PARP15: variants seen among roughly 807,000 people sequenced by gnomAD.
The protein encoded by PARP15 is protein mono-ADP-ribosyltransferase PARP15.
A neutral mutation model predicts 62.1 loss-of-function variants in PARP15; 50 were observed. That is an observed-to-expected ratio of 0.81 (90% CI 0.64 to 1.02). The LOEUF (loss-of-function observed/expected upper bound fraction) is 1.02, where lower values mean the gene tolerates loss of function less well. PARP15 is among the 50% of genes least tolerant of loss of function. PARP15 has a pLI of 0.00. For synonymous variants in PARP15, 309 were observed against 293.1 expected, an observed-to-expected ratio of 1.05 and a Z score of -0.55; for missense variants, 820 against 826.5, an observed-to-expected ratio of 0.99 and a Z score of 0.10.
At chr3:122,615,673 G>C (rs1935911628) in intron 4 of PARP15, 106 bp from the exon 5 acceptor site, 6 of 1,581,648 alleles carry the variant, frequency 3.8e-6, no homozygotes, top group Non-Finnish European at 5.2e-6. Context: ...AATATTTTGA[G>C]AACTATTGTT....
At position 122,577,660 on chromosome 3, in the gene PARP15, A is replaced by G; in HGVS notation, c.-8A>G. ...GTGGGGCGCAACTGCAGTCCCAGCG[A>G]GCTGAGGATGGCTGCGCCAGGCCCC... On this transcript the variant is annotated 5_prime_UTR_variant, in exon 1 of 12. Coordinates refer to ENST00000464300, the MANE Select transcript of PARP15 (RefSeq NM_001113523.3). 1 of 1,551,604 alleles carries G rather than the reference A, an allele frequency of 6.4e-7. No individual in the cohort carries two copies. Among genetic ancestry groups the G allele is most frequent in the Non-Finnish European group, 8.7e-7 (1 of 1,146,964 alleles).
chr3:122,613,424 C>A (rs1031406808), intron 4 of PARP15, among the ~76,000 whole-genome samples, 156 bp downstream of exon 4: 1 of 152,164 alleles, frequency 6.6e-6, no homozygotes, highest in Non-Finnish European at 1.5e-5. Context: ...TATGAGCCAA[C>A]ACTGATAACT....
chr3:122,626,289 C>T (rs1480763846), intron 8 of PARP15, among the ~76,000 whole-genome samples: 1 of 151,120 alleles, frequency 6.6e-6, no homozygotes, highest in Non-Finnish European at 1.5e-5. Flanking sequence ...AGCTCCGCCT[C>T]CCAGGTTCAC....
intron 6 of PARP15, among the ~76,000 whole-genome samples, chr3:122,618,267 A>G (rs1559974494): frequency 6.6e-6 from 1 of 152,208 alleles, no homozygotes; most frequent in Admixed American, 6.5e-5. Context: ...CTATGCATTT[A>G]TCCCTGTCCC....
chr3:122,577,728 G>T lies in PARP15; in HGVS notation c.61G>T (p.Glu21Ter). The T allele has an allele frequency of 3.9e-6, 6 of 1,551,728 alleles. No individual in the cohort carries two copies. In the South Asian group the frequency reaches 7.1e-5, roughly 18 times the overall value. The change falls in exon 1 of 12, where the codon GAA becomes TAA. Residue 21 changes from glutamate to a stop codon, truncating the protein, a stop_gained. Transcript: ENST00000464300. LOFTEE classifies it high-confidence loss of function. ...ALSPGAPTPRELMHGVAGVTS... is the reference protein window; with the variant it reads ...ALSPGAPTPR The stretch of plus-strand genomic sequence containing the variant: ...GAGTCCAGGGGCTCCGACCCCCAGA[G>T]AACTTATGCACGGAGTTGCAGGTGT...
chr3:122,633,489 ATGGT>A (rs1937175730), intron 10 of PARP15, among the ~76,000 whole-genome samples: 1 of 151,786 alleles, frequency 6.6e-6, no homozygotes, highest in Non-Finnish European at 1.5e-5. Flanking sequence ...GAGGCCTATG[ATGGT>A]TGAGTGTACT....
chr3:122,619,658 G>A (rs967954034), intron 6 of PARP15, 123 bp from the exon 7 acceptor site: 3 of 793,052 alleles, frequency 3.8e-6, no homozygotes, highest in Admixed American at 1.9e-5. Flanking sequence ...AGTTGGTCGG[G>A]CGTGGGGGTG....
intron 1 of PARP15, among the ~76,000 whole-genome samples, chr3:122,591,781 A>AAAAAAG (rs55953236): frequency 1.3e-5 from 2 of 149,672 alleles, no homozygotes; most frequent in Admixed American, 6.7e-5. Flanking sequence ...AAAAAAAAAA[A>AAAAAAG]GGTATTGATA....
At chr3:122,624,292 CCTTA>C (rs1936547729) in intron 8 of PARP15, among the ~76,000 whole-genome samples, 1 of 152,104 alleles carries the variant, frequency 6.6e-6, no homozygotes, top group African/African-American at 2.4e-5. Context: ...TTTATTGAGT[CCTTA>C]CTGTACGTTC....
Position 122,632,169 on chromosome 3 carries a change from AC to A in PARP15, c.1524del (p.Ile509Ter), listed in dbSNP as rs751447612. ...QLEPGQSEYN[T>X]IKDKFTRTCS... Reference sequence around the variant, plus strand: ...AGAGCCAGGACAATCAGAATATAATACCATAAAGGACAAGTTCACCCGAACT... The same window carrying A: ...AGAGCCAGGACAATCAGAATATAATACATAAAGGACAAGTTCACCCGAACT... On this transcript the variant is annotated frameshift_variant, in exon 10 of 12. Transcript: ENST00000464300. LOFTEE classifies it high-confidence loss of function. 1 of 1,613,892 alleles carries A rather than the reference AC, an allele frequency of 6.2e-7. No individual in the cohort carries two copies. Among genetic ancestry groups the A allele is most frequent in the East Asian group, 2.2e-5 (1 of 44,872 alleles).
At position 122,577,716 on chromosome 3, in the gene PARP15, C is replaced by T; in HGVS notation, c.49C>T (p.Pro17Ser). The T allele has an allele frequency of 6.4e-7, 1 of 1,551,704 alleles. No homozygotes were observed. The highest frequency in any genetic ancestry group is 8.7e-7 in the Non-Finnish European group (1 of 1,146,974). Residue 17 changes from proline (P) to serine (S), a missense_variant, in exon 1 of 12, where the codon CCG (proline) becomes TCG (serine). Around this residue, in one of 3 missense-constraint regions of PARP15, gnomAD observed 731 missense variants for 727.7 expected, o/e 1.00. Coordinates refer to ENST00000464300, the MANE Select transcript of PARP15 (RefSeq NM_001113523.3). ...LPAAALSPGA[P>S]TPRELMHGVA... The stretch of plus-strand genomic sequence containing the variant: ...TGCCGCTGCTCTGAGTCCAGGGGCT[C>T]CGACCCCCAGAGAACTTATGCACGG...
At chr3:122,610,160 T>C (rs1178111428) in intron 2 of PARP15, among the ~76,000 whole-genome samples, 1 of 152,230 alleles carries the variant, frequency 6.6e-6, no homozygotes, top group Non-Finnish European at 1.5e-5. Flanking sequence ...TTCACTTTCA[T>C]TTTTCTTCTT....
intron 3 of PARP15, among the ~76,000 whole-genome samples, chr3:122,611,185 C>G (rs914823084): frequency 5.9e-5 from 9 of 152,076 alleles, no homozygotes; most frequent in African/African-American, 1.4e-4. Flanking sequence ...GCCCTTCTTT[C>G]GATAACATCA....
rs975887662 is a variant in PARP15, at chr3:122,636,360, G to A, written c.*260G>A. ...ATTCACAGACACCAAATCTCTAGGAGAATAAAAAGCACATTATTCTTTTTC... is the reference window on the plus strand; with the variant it reads ...ATTCACAGACACCAAATCTCTAGGAAAATAAAAAGCACATTATTCTTTTTC... On this transcript the variant is annotated 3_prime_UTR_variant, in exon 12 of 12. Coordinates refer to ENST00000464300, the MANE Select transcript of PARP15 (RefSeq NM_001113523.3). 9 of 407,638 alleles carry A rather than the reference G, an allele frequency of 2.2e-5. No homozygotes were observed. Among genetic ancestry groups the A allele is most frequent in the Non-Finnish European group, 4.0e-5 (9 of 226,180 alleles). 25.3% of individuals were successfully genotyped at this position (407,638 alleles called of 1,614,324 possible). A position where few individuals can be genotyped will look rare whatever the true frequency, so the allele number is the denominator to read the frequency against.
Position 122,584,573 on chromosome 3 carries a change from C to CTTTTTTTTTTTT in PARP15, c.186+6720_186+6721insTTTTTTTTTTTT, listed in dbSNP as rs377394521. 2.3e-3 allele frequency among the ~76,000 whole-genome samples: 320 copies of CTTTTTTTTTTTT among 136,730 alleles called. 6 individuals carry two copies. Among genetic ancestry groups the CTTTTTTTTTTTT allele is most frequent in the African/African-American group, 2.7e-3 (98 of 35,874 alleles). The allele number at this position is 136,730 out of a possible 152,430, so 89.7% of individuals were successfully genotyped here. ...TAAGGAAATATTCATCCATTTCTTT[C>CTTTTTTTTTTTT]CTTTTTTTTTTTTTTCCGAGATGGA... On this transcript the variant is annotated intron_variant, in intron 1 of 11. Coordinates refer to ENST00000464300, the MANE Select transcript of PARP15 (RefSeq NM_001113523.3).
rs771972061 is a variant in PARP15 at position 122,617,206 on chromosome 3, A to C, written c.1000+42A>C. On this transcript the variant is annotated intron_variant, in intron 6 of 11. Transcript: ENST00000464300. ...ATATATTGTAATTATTAGTATGACT[A>C]ATTTCTGGAAGGGAAATTGTGGCTA... 14 of 1,559,934 alleles carry C rather than the reference A, an allele frequency of 9.0e-6. No individual in the cohort carries two copies. The South Asian group carries it at 1.0e-4, about 12-fold the overall frequency.
chr3:122,605,891 CTT>C, intron 1 of PARP15, 43 bp from the exon 2 acceptor site: 1 of 1,541,614 alleles, frequency 6.5e-7, no homozygotes, highest in Non-Finnish European at 8.8e-7. Flanking sequence ...TAAGAGAACT[CTT>C]GAAATTGGCA....
At position 122,595,169 on chromosome 3, in the gene PARP15, G is replaced by GT. The variant is rs796758304; in HGVS notation, c.187-10757dup. 6.5e-3 allele frequency among the ~76,000 whole-genome samples: 984 copies of GT among 151,562 alleles called. 9 individuals carry two copies. Among genetic ancestry groups the GT allele is most frequent in the African/African-American group, 0.023 (944 of 41,110 alleles). On this transcript the variant is annotated intron_variant, in intron 1 of 11. Coordinates refer to ENST00000464300, the MANE Select transcript of PARP15 (RefSeq NM_001113523.3). ...CTATGGGGATCTAGCTAAAGGAATT[G>GT]TTTTTTTTTTCGCAGTAACAAAACA...
chr3:122,630,026 G>A (rs1291173553), intron 9 of PARP15, among the ~76,000 whole-genome samples: 2 of 152,306 alleles, frequency 1.3e-5, no homozygotes, highest in Middle Eastern at 3.4e-3. Context: ...GCTAGTCTGT[G>A]GCCTGGGATT....
Sources: allele counts gnomAD v4.1 joint callset (sites outside exome capture counted in the v4.1 genomes callset), GRCh38; gene constraint gnomAD v4.1.1; regional missense constraint gnomAD v4.1.1; transcripts MANE v1.5; gene names NCBI Gene and HGNC (gene_info 2026-07-23, HGNC 2026-07-21).